The following AKR1C3 variants were observed in gnomAD, a reference collection of about 807,000 sequenced individuals.
AKR1C3 encodes the protein 3-alpha hydroxysteroid dehydrogenase, type II.
In AKR1C3, 48 loss-of-function variants were observed where a neutral mutation model predicts 43.6. The observed-to-expected ratio is 1.10, with a 90% CI of 0.87 to 1.40. The LOEUF (loss-of-function observed/expected upper bound fraction) is 1.40. Among genes scored for constraint, AKR1C3 ranks in the 40% most tolerant of loss-of-function variants. AKR1C3 has a pLI of 0.00. For synonymous variants in AKR1C3, 162 were observed against 139.6 expected, an observed-to-expected ratio of 1.16 and a Z score of -1.13; for missense variants, 482 against 391.2, an observed-to-expected ratio of 1.23 and a Z score of -1.96.
At chr10:5,052,547 A>T (rs1196243976) in intron 1 of AKR1C3, among the ~76,000 whole-genome samples, 1 of 152,190 alleles carries the variant, frequency 6.6e-6, no homozygotes, top group African/African-American at 2.4e-5. Flanking sequence ...TCCCTGAGCT[A>T]GACACAAAGG....
rs1554784881 is a variant in AKR1C3 at position 5,094,533 on chromosome 10, G to A, written c.84+5G>A. The A allele has an allele frequency of 3.7e-6, 6 of 1,612,386 alleles. No individual in the cohort carries two copies. Among genetic ancestry groups the A allele is most frequent in the African/African-American group, 1.3e-5 (1 of 74,958 alleles). Reference sequence around the variant, plus strand: ...GGCACCTATGCACCTCCAGAGGTAAGAATAATTCCTTTTAGTTTTCGGATT... The same window carrying A: ...GGCACCTATGCACCTCCAGAGGTAAAAATAATTCCTTTTAGTTTTCGGATT... On this transcript the variant is annotated splice_donor_5th_base_variant and intron_variant, in intron 1 of 8. Transcript: ENST00000380554.
intron 1 of AKR1C3, among the ~76,000 whole-genome samples, chr10:5,068,791 C>A (rs1388251469): frequency 6.6e-6 from 1 of 152,188 alleles, no homozygotes; most frequent in East Asian, 1.9e-4. Flanking sequence ...CCAAGAAGGC[C>A]TCTTTCATCT....
At chr10:5,070,472 T>A (rs1259653151) in intron 1 of AKR1C3, among the ~76,000 whole-genome samples, 1 of 152,166 alleles carries the variant, frequency 6.6e-6, no homozygotes, top group Admixed American at 6.5e-5. Context: ...GTTTAAATAC[T>A]CTCTAGGGAT....
At chr10:5,090,029 C>G (rs1012873431), upstream of AKR1C3, among the ~76,000 whole-genome samples, 1 of 152,130 alleles carries the variant, frequency 6.6e-6, no homozygotes, top group African/African-American at 2.4e-5. Flanking sequence ...CATTGAGTTG[C>G]GCAGTTCAAT....
At chr10:5,093,876 AAAAT>A (rs1423752693), upstream of AKR1C3, 3 of 152,182 alleles carry the variant, frequency 2.0e-5, no homozygotes, top group African/African-American at 7.2e-5. Flanking sequence ...AAGAAAAATC[AAAAT>A]AAATTTTCTG....
At position 5,102,556 on chromosome 10, in the gene AKR1C3, C is replaced by T; in HGVS notation, c.752C>T (p.Thr251Ile). 6.4e-7 allele frequency: 1 copy of T among 1,571,078 alleles called. No individual in the cohort carries two copies. The highest frequency in any genetic ancestry group is 8.7e-7 in the Non-Finnish European group (1 of 1,155,786). Residue 251 changes from threonine to isoleucine, a missense_variant, in exon 7 of 9, where the codon ACC becomes ATC. Thr to Ile is a moderately conservative substitution (Grantham distance 89). Coordinates refer to ENST00000380554, the MANE Select transcript of AKR1C3 (RefSeq NM_003739.6). The part of the protein sequence containing the change: ...LCALAKKHKR[T>I]PALIALRYQL... ...GCCTTGGCAAAAAAGCACAAGCGAACCCCAGCCCTGATTGCCCTGCGCTAC... is the reference window on the plus strand; with the variant it reads ...GCCTTGGCAAAAAAGCACAAGCGAATCCCAGCCCTGATTGCCCTGCGCTAC...
At chr10:5,092,776 CTAA>C (rs1554784514), upstream of AKR1C3, among the ~76,000 whole-genome samples, 1 of 152,032 alleles carries the variant, frequency 6.6e-6, no homozygotes, top group African/African-American at 2.4e-5. Flanking sequence ...CCTTTCTCTA[CTAA>C]TTTCAGTGCT....
At chr10:5,060,370 C>T (rs200289104) in intron 1 of AKR1C3, among the ~76,000 whole-genome samples, 2 of 152,062 alleles carry the variant, frequency 1.3e-5, no homozygotes, top group South Asian at 2.1e-4. Flanking sequence ...CTGATTGGTC[C>T]GTTTTGATGG....
In AKR1C3 at chr10:5,048,978, G is replaced by T. The variant is rs1838093737; in HGVS notation, c.84+83G>T. On this transcript the variant is annotated intron_variant, in intron 1 of 8. Transcript: ENST00000439082. ...AGCTGACCTGGGTTGTCAGGTTTGT[G>T]TTCGTGTATTACTCTGCATGACTCC... 2.8e-6 allele frequency: 3 copies of T among 1,085,890 alleles called. No homozygotes were observed. The East Asian group carries it at 7.1e-5, about 26-fold the overall frequency. 67.3% of individuals were successfully genotyped at this position (1,085,890 alleles called of 1,614,324 possible).
Position 5,098,811 on chromosome 10 carries a change from G to T in AKR1C3, c.379G>T (p.Glu127Ter). 6.2e-7 allele frequency: 1 copy of T among 1,613,516 alleles called. No individual in the cohort carries two copies. Among genetic ancestry groups the T allele is most frequent in the Non-Finnish European group, 8.5e-7 (1 of 1,179,686 alleles). ...HSPMSLKPGE[E>*]LSPTDENGKV... ...ACTGCTTCTATTTCAGCCAGGTGAG[G>T]AACTTTCACCAACAGATGAAAATGG... Residue 127 changes from glutamate (E) to a stop codon, truncating the protein, a stop_gained, in exon 4 of 9, where the codon GAA becomes TAA. Transcript: ENST00000380554. LOFTEE classifies it high-confidence loss of function.
rs1554787563 is a variant in AKR1C3, at chr10:5,107,601, T to TA, written c.*101dup. ...GGTGACTGGACATATCACCTCTACT[T>TA]AAATCCGTCCTGTTTAGCGACTTCA... On this transcript the variant is annotated 3_prime_UTR_variant, in exon 9 of 9. Coordinates refer to ENST00000380554, the MANE Select transcript of AKR1C3 (RefSeq NM_003739.6). The TA allele has an allele frequency of 7.3e-6, 7 of 952,620 alleles. No individual in the cohort carries two copies. The highest frequency in any genetic ancestry group is 3.3e-6 in the Non-Finnish European group (2 of 611,778). 59.0% of individuals were successfully genotyped at this position (952,620 alleles called of 1,614,324 possible).
At chr10:5,102,311 T>C in intron 6 of AKR1C3, 101 bp downstream of exon 6, 4 of 1,584,908 alleles carry the variant, frequency 2.5e-6, no homozygotes, top group Admixed American at 1.8e-5. Context: ...AAGTGGCTCA[T>C]GGAGAGGAAA....
intron 1 of AKR1C3, among the ~76,000 whole-genome samples, chr10:5,060,593 C>T (rs1314780911): frequency 6.6e-6 from 1 of 152,210 alleles, no homozygotes; most frequent in Non-Finnish European, 1.5e-5. Flanking sequence ...TTCTCCAAGT[C>T]CCCACCAGAC....
intron 1 of AKR1C3, among the ~76,000 whole-genome samples, chr10:5,058,038 C>T (rs573809512): frequency 1.1e-3 from 167 of 152,270 alleles, no homozygotes; most frequent in African/African-American, 3.6e-3. Context: ...GGGCCAAATT[C>T]CCCTCCCCTA....
chr10:5,104,918 A>G (rs1475377425), intron 7 of AKR1C3, among the ~76,000 whole-genome samples: 1 of 152,098 alleles, frequency 6.6e-6, no homozygotes, highest in African/African-American at 2.4e-5. Context: ...ACCTAGACTA[A>G]TTGTTAACTT....
chr10:5,060,781 G>GC (rs1554780149), intron 1 of AKR1C3, among the ~76,000 whole-genome samples: 1 of 136,704 alleles, frequency 7.3e-6, no homozygotes, highest in African/African-American at 2.8e-5. Flanking sequence ...GGAGCCCACA[G>GC]AGGTGGGGAG....
At chr10:5,083,298 A>G (rs1221922930) in intron 1 of AKR1C3, among the ~76,000 whole-genome samples, 3 of 152,018 alleles carry the variant, frequency 2.0e-5, no homozygotes, top group African/African-American at 2.4e-5. Flanking sequence ...TCATTGTTCA[A>G]TTCCCACCTA....
At chr10:5,063,822 A>G (rs1262538978) in intron 1 of AKR1C3, among the ~76,000 whole-genome samples, 1 of 145,532 alleles carries the variant, frequency 6.9e-6, no homozygotes, top group Non-Finnish European at 1.5e-5. Flanking sequence ...TTCCCTGTCA[A>G]AAATGACAGT....
chr10:5,094,064 C>G (rs571598816), upstream of AKR1C3: 1 of 167,662 alleles, frequency 6.0e-6, no homozygotes, highest in Non-Finnish European at 1.3e-5. Flanking sequence ...GGCATTATCA[C>G]GGCAGAAACG....
Sources: allele counts gnomAD v4.1 joint callset (sites outside exome capture counted in the v4.1 genomes callset), GRCh38; gene constraint gnomAD v4.1.1; transcripts MANE v1.5; gene names NCBI Gene and HGNC (gene_info 2026-07-23, HGNC 2026-07-21).